The following IL12RB1 variants were observed in gnomAD, a reference collection of about 807,000 sequenced individuals.
IL12RB1 encodes interleukin 12 receptor subunit beta 1, also known as interleukin-12 receptor subunit beta-1.
In IL12RB1, 64 loss-of-function variants were observed where a neutral mutation model predicts 94.4. The ratio of observed to expected loss-of-function variants is 0.68; its 90% confidence interval spans 0.55 to 0.83. IL12RB1 has a LOEUF of 0.83. Among genes scored for constraint, IL12RB1 ranks in the 40% least tolerant of loss-of-function variants. The pLI is 0.00. For synonymous variants in IL12RB1, 362 were observed against 355.5 expected (o/e 1.02, Z -0.21); for missense variants, 814 against 855.6 (o/e 0.95, Z 0.61).
chr19:18,074,429 C>A (rs921307923), intron 7 of IL12RB1, among the ~76,000 whole-genome samples: 10 of 152,166 alleles, frequency 6.6e-5, no homozygotes, highest in African/African-American at 2.4e-4. Context: ...CCGTGAGGTT[C>A]AGCCTGATGA....
chr19:18,076,218 T>A, intron 6 of IL12RB1, 79 bp downstream of exon 6: 1 of 804,224 alleles, frequency 1.2e-6, no homozygotes, highest in South Asian at 1.3e-5. Flanking sequence ...AAATTCAGCA[T>A]TGGACCTGGC....
chr19:18,059,497 G>A lies in IL12RB1; in HGVS notation c.*111C>T. On this transcript the variant is annotated 3_prime_UTR_variant, in exon 17 of 17. Coordinates refer to ENST00000593993, the MANE Select transcript of IL12RB1 (RefSeq NM_005535.3). ...GGCAACAGGCACGGGGCAGAGAGGAGGCAGGTGCACTGGAGCCTGGAGGAG... is the reference window on the plus strand; with the variant it reads ...GGCAACAGGCACGGGGCAGAGAGGAAGCAGGTGCACTGGAGCCTGGAGGAG... The A allele has an allele frequency of 2.7e-6, 2 of 733,346 alleles. No individual in the cohort carries two copies. Among genetic ancestry groups the A allele is most frequent in the Admixed American group, 2.0e-5 (1 of 51,088 alleles). 45.4% of individuals were successfully genotyped at this position (733,346 alleles called of 1,614,324 possible).
At chr19:18,072,489 T>C (rs2035137413) in intron 8 of IL12RB1, 140 bp from the exon 9 acceptor site, 1 of 683,930 alleles carries the variant, frequency 1.5e-6, no homozygotes, top group Admixed American at 2.1e-5. Flanking sequence ...AAAAGAATAA[T>C]AAACCTCAAT....
chr19:18,077,325 G>A (rs1268543504), intron 5 of IL12RB1, among the ~76,000 whole-genome samples, 191 bp downstream of exon 5: 3 of 151,788 alleles, frequency 2.0e-5, no homozygotes, highest in African/African-American at 4.8e-5. Context: ...TCATGCCACT[G>A]CACTCCAGCC....
intron 3 of IL12RB1, 75 bp downstream of exon 3, chr19:18,082,075 G>T: frequency 1.2e-6 from 1 of 869,516 alleles, no homozygotes; most frequent in Non-Finnish European, 1.9e-6. Flanking sequence ...GCATCCGAGA[G>T]TAGGGGCACC....
At chr19:18,077,256 G>T (rs915269590) in intron 5 of IL12RB1, among the ~76,000 whole-genome samples, 2 of 152,072 alleles carry the variant, frequency 1.3e-5, no homozygotes, top group East Asian at 3.9e-4. Flanking sequence ...CAGCTACTCG[G>T]GAGGCTGACG....
chr19:18,065,685 G>C (rs939725425), intron 12 of IL12RB1, among the ~76,000 whole-genome samples: 3 of 152,112 alleles, frequency 2.0e-5, no homozygotes, highest in Admixed American at 2.0e-4. Context: ...CAGGCATGGT[G>C]GTGGGTGCCT....
upstream of IL12RB1, among the ~76,000 whole-genome samples, chr19:18,088,388 A>AATATATATATATATATATATATAT (rs372635550): frequency 9.2e-5 from 10 of 108,512 alleles, no homozygotes; most frequent in African/African-American, 3.6e-4. Context: ...TCCATCTCAA[A>AATATATATATATATATATATATAT]ATATATATAT....
chr19:18,061,952 AC>A (rs1599442372), intron 14 of IL12RB1, among the ~76,000 whole-genome samples: 1 of 152,156 alleles, frequency 6.6e-6, no homozygotes, highest in Non-Finnish European at 1.5e-5. Flanking sequence ...TGACTGCAAA[AC>A]CGCTCTCAGC....
At position 18,063,578 on chromosome 19, in the gene IL12RB1, T is replaced by A. The variant is rs190619891; in HGVS notation, c.1618+298A>T. Among the ~76,000 whole-genome samples, 10 of 152,100 alleles carry A rather than the reference T, an allele frequency of 6.6e-5. No homozygotes were observed. The East Asian group carries it at 1.9e-3, about 29-fold the overall frequency. On this transcript the variant is annotated intron_variant, in intron 13 of 16. Coordinates refer to ENST00000593993, the MANE Select transcript of IL12RB1 (RefSeq NM_005535.3). ...GCATGGCCAGAAGGAGGCAGAGAAG[T>A]CTTGCTGGAGGAGGGAACTTTTGAG...
intron 11 of IL12RB1, among the ~76,000 whole-genome samples, chr19:18,066,996 C>T (rs1181294447): frequency 6.7e-6 from 1 of 150,160 alleles, no homozygotes; most frequent in Non-Finnish European, 1.5e-5. Context: ...CACTGCACTC[C>T]AGCCTGGGCA....
At chr19:18,065,713 G>A (rs2034526097) in intron 12 of IL12RB1, among the ~76,000 whole-genome samples, 1 of 152,078 alleles carries the variant, frequency 6.6e-6, no homozygotes, top group South Asian at 2.1e-4. Flanking sequence ...CAGCTACTTG[G>A]GAGGCTGAGG....
At chr19:18,083,634 C>T in intron 1 of IL12RB1, 143 bp from the exon 2 acceptor site, 1 of 734,572 alleles carries the variant, frequency 1.4e-6, no homozygotes, top group Non-Finnish European at 2.4e-6. Flanking sequence ...TACCACCACC[C>T]ATCCATCCAT....
At position 18,068,497 on chromosome 19, in the gene IL12RB1, C is replaced by T; in HGVS notation, c.1219G>A (p.Ala407Thr). 1 of 1,612,242 alleles carries T rather than the reference C, an allele frequency of 6.2e-7. No homozygotes were observed. The highest frequency in any genetic ancestry group is 1.1e-5 in the South Asian group (1 of 91,026). Residue 407 changes from alanine (A) to threonine (T), a missense_variant, in exon 11 of 17, where the codon GCA becomes ACA. Ala to Thr is a moderately conservative substitution (Grantham distance 58). Coordinates refer to ENST00000593993, the MANE Select transcript of IL12RB1 (RefSeq NM_005535.3). ...TAGTAACACTTTTCCTGCCCCATTG[C>T]CCCAGACTCTCGACTCCAGCTGTAG... is the stretch of plus-strand genomic sequence containing the variant. ...ATYSWSRESG[A>T]MGQEKCYYIT...
chr19:18,064,759 C>A (rs1380524984), intron 12 of IL12RB1, among the ~76,000 whole-genome samples: 2 of 152,316 alleles, frequency 1.3e-5, no homozygotes, highest in Admixed American at 1.3e-4. Flanking sequence ...CAGGCGTGAG[C>A]CACCGCGTCC....
At chr19:18,069,832 A>G in intron 9 of IL12RB1, 119 bp from the exon 10 acceptor site, 1 of 772,826 alleles carries the variant, frequency 1.3e-6, no homozygotes, top group Admixed American at 2.0e-5. Flanking sequence ...CTACAGGGCC[A>G]GGGGTGTCTG....
chr19:18,083,821 AC>A (rs1203280686), intron 1 of IL12RB1, among the ~76,000 whole-genome samples: 1 of 145,238 alleles, frequency 6.9e-6, no homozygotes, highest in African/African-American at 2.6e-5. Context: ...CCACCCATCT[AC>A]CCATCCATCC....
intron 9 of IL12RB1, chr19:18,070,547 T>A: frequency 2.0e-6 from 2 of 985,322 alleles, no homozygotes; most frequent in Non-Finnish European, 2.4e-6. Context: ...GAGAGATGGA[T>A]ACTGCTTGCA....
chr19:18,079,086 G>A (rs1568511352), intron 4 of IL12RB1, among the ~76,000 whole-genome samples: 1 of 150,966 alleles, frequency 6.6e-6, no homozygotes, highest in Admixed American at 6.7e-5. Flanking sequence ...TTTTTGGTGT[G>A]TGGTGAGAAC....
Sources: gnomAD v4.1 joint callset for allele counts (sites outside exome capture counted in the v4.1 genomes callset) on GRCh38, gnomAD v4.1.1 for gene constraint, MANE v1.5 for transcripts, NCBI Gene and HGNC (gene_info 2026-07-23, HGNC 2026-07-21) for gene names.